Variants in CFAP45 observed in about 807,000 individuals in gnomAD.
The protein encoded by CFAP45 is cilia and flagella associated protein 45, also known as cilia- and flagella-associated protein 45.
A neutral mutation model predicts 75.6 loss-of-function variants in CFAP45; 43 were observed. The observed-to-expected ratio is 0.57, with a 90% CI of 0.45 to 0.73. The LOEUF (loss-of-function observed/expected upper bound fraction) is 0.73, where lower values mean the gene tolerates loss of function less well. CFAP45 is among the 30% of genes least tolerant of loss of function. The probability of loss-of-function intolerance (pLI) is 0.00; values close to 1 mark genes in which losing one functional copy is unlikely to be tolerated. For synonymous variants in CFAP45, 223 were observed against 244.6 expected (o/e 0.91, Z 0.82); for missense variants, 689 against 701.5 (o/e 0.98, Z 0.20).
At chr1:159,875,540 G>T (rs1253157651) in intron 10 of CFAP45, among the ~76,000 whole-genome samples, 2 of 152,184 alleles carry the variant, frequency 1.3e-5, no homozygotes, top group Non-Finnish European at 2.9e-5. Flanking sequence ...GGGTAGCCTG[G>T]TCTGGCATGC....
In CFAP45 at chr1:159,890,466, G is replaced by A; in HGVS notation, c.272+14C>T. 2 of 1,613,794 alleles carry A rather than the reference G, an allele frequency of 1.2e-6. No homozygotes were observed. The highest frequency in any genetic ancestry group is 1.7e-6 in the Non-Finnish European group (2 of 1,179,754). ...GAGGACTGGACATAGAAGGGCAGGG[G>A]ACGGTGTACTCACATGAGTTCTCGG... On this transcript the variant is annotated intron_variant, in intron 3 of 11. Coordinates refer to ENST00000368099, the MANE Select transcript of CFAP45 (RefSeq NM_012337.3).
intron 6 of CFAP45, among the ~76,000 whole-genome samples, 182 bp from the exon 7 acceptor site, chr1:159,884,747 G>A (rs1352781717): frequency 6.6e-6 from 1 of 152,092 alleles, no homozygotes; most frequent in Non-Finnish European, 1.5e-5. Context: ...AGGACCTCAA[G>A]GGTTGGCCTC....
rs541935898 is a variant in CFAP45, at chr1:159,881,078, T to G, written c.898-378A>C. Among the ~76,000 whole-genome samples the G allele has an allele frequency of 3.9e-5, 6 of 152,352 alleles. No homozygotes were observed. The South Asian group carries it at 6.2e-4, about 16-fold the overall frequency. ...TTCCTCTCCCATTTAAACCTAACTTTCACTCTCCAGTCAATAGTGACGACT... is the reference window on the plus strand; with the variant it reads ...TTCCTCTCCCATTTAAACCTAACTTGCACTCTCCAGTCAATAGTGACGACT... On this transcript the variant is annotated intron_variant, in intron 7 of 11. Transcript: ENST00000368099.
chr1:159,874,306 TTCC>T (rs1320388606), intron 10 of CFAP45, among the ~76,000 whole-genome samples: 1 of 152,006 alleles, frequency 6.6e-6, no homozygotes, highest in Non-Finnish European at 1.5e-5. Context: ...ACTGCTTCAT[TTCC>T]TCATTTCCCT....
intron 2 of CFAP45, among the ~76,000 whole-genome samples, chr1:159,892,440 G>A (rs149334486): frequency 1.5e-3 from 236 of 152,290 alleles, no homozygotes; most frequent in Middle Eastern, 3.4e-3. Context: ...TGAAGATGTT[G>A]AAGAGCAGGG....
chr1:159,898,418 T>A, intron 1 of CFAP45: 1 of 164,402 alleles, frequency 6.1e-6, no homozygotes, highest in Non-Finnish European at 1.3e-5. Flanking sequence ...CTCATGCCTT[T>A]AAATATTCTC....
At chr1:159,885,914 A>T (rs1649667858) in intron 6 of CFAP45, among the ~76,000 whole-genome samples, 1 of 152,210 alleles carries the variant, frequency 6.6e-6, no homozygotes, top group Non-Finnish European at 1.5e-5. Flanking sequence ...ACAAAAAAAA[A>T]TTAAGAACTT....
At chr1:159,890,757 C>CT (rs965390100) in intron 2 of CFAP45, 135 bp from the exon 3 acceptor site, 142,822 of 317,828 alleles carry the variant, frequency 0.45, 24,856 homozygotes, top group Admixed American at 0.53. Flanking sequence ...CTTTTCTTTT[C>CT]TTTTTTTTTT....
Position 159,900,144 on chromosome 1 carries a change from G to C in CFAP45, c.-46C>G, listed in dbSNP as rs958884221. 5.6e-6 allele frequency: 9 copies of C among 1,613,854 alleles called. No homozygotes were observed. The highest frequency in any genetic ancestry group is 7.6e-6 in the Non-Finnish European group (9 of 1,179,834). On this transcript the variant is annotated 5_prime_UTR_variant, in exon 1 of 12. Transcript: ENST00000368099. ...ACTCCGGACTTCTGCTGCCGCCTCG[G>C]CGCCGCCAAGGCCCTAGTGTTGACG...
chr1:159,874,120 A>T (rs538497479), intron 10 of CFAP45, among the ~76,000 whole-genome samples: 2 of 152,246 alleles, frequency 1.3e-5, no homozygotes, highest in East Asian at 3.9e-4. Context: ...AAAACACTCA[A>T]ATGAAATGCA....
chr1:159,874,371 A>G (rs896622926), intron 10 of CFAP45, among the ~76,000 whole-genome samples: 17 of 152,114 alleles, frequency 1.1e-4, no homozygotes, highest in Non-Finnish European at 2.1e-4. Flanking sequence ...CCACTCCCAG[A>G]AACTCTTTCC....
chr1:159,888,497 C>G lies in CFAP45; in HGVS notation c.273-1G>C. The stretch of plus-strand genomic sequence containing the variant: ...CCCGGAGGGATCCTCTGTGGGAACA[C>G]TGTCACAAGAATAAACAGAGTTAGG... On this transcript the variant is annotated splice_acceptor_variant, in intron 3 of 11. Transcript: ENST00000368099. LOFTEE classifies it high-confidence loss of function. 6.2e-7 allele frequency: 1 copy of G among 1,613,736 alleles called. No individual in the cohort carries two copies. Among genetic ancestry groups the G allele is most frequent in the Non-Finnish European group, 8.5e-7 (1 of 1,179,784 alleles).
At chr1:159,876,939 A>G in intron 9 of CFAP45, 190 bp from the exon 10 acceptor site, 1 of 654,478 alleles carries the variant, frequency 1.5e-6, no homozygotes, top group Non-Finnish European at 2.7e-6. Context: ...GTTAGAAGAT[A>G]ACCTGAGGGG....
At chr1:159,873,827 CTCCT>C (rs72383149) in intron 10 of CFAP45, among the ~76,000 whole-genome samples, 12,676 of 134,568 alleles carry the variant, frequency 0.094, 1,572 homozygotes, top group African/African-American at 0.28. Context: ...GAGATTTCTT[CTCCT>C]TCCTTCCTTC....
chr1:159,889,633 G>GA (rs951752211), intron 3 of CFAP45, among the ~76,000 whole-genome samples: 23 of 152,304 alleles, frequency 1.5e-4, no homozygotes, highest in African/African-American at 5.3e-4. Flanking sequence ...CTCCAAGAAG[G>GA]AACCCTTCCT....
chr1:159,883,374 C>T (rs1476567468), intron 7 of CFAP45, among the ~76,000 whole-genome samples: 1 of 152,032 alleles, frequency 6.6e-6, no homozygotes, highest in African/African-American at 2.4e-5. Context: ...ATGTGCAAAC[C>T]TTGATTAACG....
At chr1:159,877,706 G>A (rs986255370) in intron 8 of CFAP45, among the ~76,000 whole-genome samples, 4 of 152,024 alleles carry the variant, frequency 2.6e-5, no homozygotes, top group Non-Finnish European at 5.9e-5. Context: ...GAAAGACTCT[G>A]TCTCTACTAG....
intron 5 of CFAP45, 54 bp from the exon 6 acceptor site, chr1:159,886,743 G>A: frequency 1.3e-6 from 2 of 1,482,044 alleles, no homozygotes; most frequent in South Asian, 2.3e-5. Flanking sequence ...GTAAGTTTAA[G>A]GGGAAGAAAT....
At chr1:159,880,477 C>T in intron 8 of CFAP45, 77 bp downstream of exon 8, 1 of 1,377,910 alleles carries the variant, frequency 7.3e-7, no homozygotes, top group Non-Finnish European at 1.0e-6. Flanking sequence ...ACTGGAGTTC[C>T]CTTAGTTCTC....
Sources: gnomAD v4.1 joint callset for allele counts (sites outside exome capture counted in the v4.1 genomes callset) on GRCh38, gnomAD v4.1.1 for gene constraint, MANE v1.5 for transcripts, NCBI Gene and HGNC (gene_info 2026-07-23, HGNC 2026-07-21) for gene names.